APOB: variants seen among roughly 807,000 people sequenced by gnomAD.
APOB encodes the protein apolipoprotein B-100.
In APOB, 153 loss-of-function variants were observed where a neutral mutation model predicts 314.1. The observed-to-expected ratio is 0.49, with a 90% CI of 0.43 to 0.56. APOB has a LOEUF of 0.56. APOB is among the 20% of genes least tolerant of loss of function. The pLI, the probability that APOB is intolerant of heterozygous loss-of-function variation, is 0.00. For missense variants in APOB, 5,430 were observed against 5,350.7 expected (o/e 1.01, Z -0.46); for synonymous variants, 2,087 against 2,036.4 (o/e 1.02, Z -0.67).
intron 10 of APOB, among the ~76,000 whole-genome samples, chr2:21,031,264 T>C (rs2103378217): frequency 6.6e-6 from 1 of 152,378 alleles, no homozygotes; most frequent in East Asian, 1.9e-4. Flanking sequence ...AAAATACTAT[T>C]CGGCCATAAA....
In APOB at chr2:21,012,628, G is replaced by T; in HGVS notation, c.4240C>A (p.His1414Asn). 2 of 1,612,656 alleles carry T rather than the reference G, an allele frequency of 1.2e-6. No homozygotes were observed. The highest frequency in any genetic ancestry group is 1.7e-6 in the Non-Finnish European group (2 of 1,179,516). The change falls in exon 26 of 29, where the codon CAC (histidine) becomes AAC (asparagine). Residue 1414 changes from histidine to asparagine, a missense_variant. By Grantham distance (68) the His-to-Asn change is moderately conservative. Transcript: ENST00000233242. ...CATGATAGTGTGAACGTATTCTTGT[G>T]GTCATATGTTGTTTCTCCAGATCCT... Reference protein sequence around the residue: ...VQGSGETTYDHKNTFTLSCDG... With the variant: ...VQGSGETTYDNKNTFTLSCDG...
chr2:21,043,093 T>G (rs1664172710), intron 2 of APOB, among the ~76,000 whole-genome samples: 1 of 149,630 alleles, frequency 6.7e-6, no homozygotes, highest in African/African-American at 2.5e-5. Flanking sequence ...AGGGTCGCGC[T>G]TGGAGGCCAG....
intron 2 of APOB, 63 bp from the exon 3 acceptor site, chr2:21,042,539 C>T (rs977043652): frequency 3.2e-6 from 4 of 1,259,088 alleles, no homozygotes; most frequent in Non-Finnish European, 2.3e-6. Flanking sequence ...ACAGCCAATT[C>T]TGGGCAGAGA....
intron 14 of APOB, among the ~76,000 whole-genome samples, chr2:21,027,432 T>C (rs988143173): frequency 6.7e-6 from 1 of 149,308 alleles, no homozygotes; most frequent in Non-Finnish European, 1.5e-5. Context: ...TCCTGCCTCA[T>C]CCTCCCAAGT....
chr2:21,016,893 A>G (rs945695683), intron 20 of APOB, among the ~76,000 whole-genome samples: 6 of 151,976 alleles, frequency 3.9e-5, no homozygotes, highest in African/African-American at 1.5e-4. Context: ...CTGAGGCAGG[A>G]GAATGGCATG....
At position 21,009,863 on chromosome 2, in the gene APOB, A is replaced by G. The variant is rs1663256966; in HGVS notation, c.7005T>C (p.Asn2335=). Residue 2335 remains asparagine, a synonymous_variant, in exon 26 of 29, where the codon AAT becomes AAC. Coordinates refer to ENST00000233242, the MANE Select transcript of APOB (RefSeq NM_000384.3). ...IGDFEVAEKI[N]AFRAKVHELI... is the part of the protein sequence containing the mutation. The stretch of plus-strand genomic sequence containing the variant: ...ACTCATGGACTTTGGCTCTGAAGGC[A>G]TTGATTTTCTCAGCTACTTCAAAAT... 5 of 1,614,038 alleles carry G rather than the reference A, an allele frequency of 3.1e-6. No homozygotes were observed. In the South Asian group the frequency reaches 4.4e-5, roughly 14 times the overall value.
rs1663118750 is a variant in APOB at position 21,005,849 on chromosome 2, T to G, written c.11019A>C (p.Lys3673Asn). 1.2e-6 allele frequency: 2 copies of G among 1,613,924 alleles called. No homozygotes were observed. Among genetic ancestry groups the G allele is most frequent in the Admixed American group, 3.3e-5 (2 of 59,980 alleles). ...TGTCATAGACTGGTAGGATGATATT[T>G]TTGAGGAACCTTAGGTGTCCTTCTA... ...GSLEGHLRFL[K>N]NIILPVYDKS... Residue 3673 changes from lysine (K) to asparagine (N), a missense_variant, in exon 26 of 29, where the codon AAA (lysine) becomes AAC (asparagine). By Grantham distance (94) the Lys-to-Asn change is moderately conservative. Coordinates refer to ENST00000233242, the MANE Select transcript of APOB (RefSeq NM_000384.3).
chr2:21,002,027 C>G lies in APOB; in HGVS notation c.13395G>C (p.Lys4465Asn), dbSNP rs1287901082. Residue 4465 changes from lysine (K) to asparagine (N), a missense_variant, in exon 29 of 29, where the codon AAG becomes AAC. Around this residue, in one of 3 missense-constraint regions of APOB, gnomAD observed 3,281 missense variants for 3,171.0 expected, o/e 1.03. Coordinates refer to ENST00000233242, the MANE Select transcript of APOB (RefSeq NM_000384.3). Reference protein sequence around the residue: ...LTDPDGKGKEKIAELSATAQE... With the variant: ...LTDPDGKGKENIAELSATAQE... ...GAGCAGTGGCAGAAAGCTCTGCAAT[C>G]TTCTCTTTCCCTTTTCCATCTGGAT... 3 of 1,614,012 alleles carry G rather than the reference C, an allele frequency of 1.9e-6. No homozygotes were observed. Among genetic ancestry groups the G allele is most frequent in the Non-Finnish European group, 2.5e-6 (3 of 1,179,986 alleles).
intron 16 of APOB, 46 bp downstream of exon 16, chr2:21,024,887 A>G (rs769638991): frequency 6.2e-7 from 1 of 1,609,272 alleles, no homozygotes; most frequent in Non-Finnish European, 8.5e-7. Context: ...CTAAAAAAAA[A>G]CCAACGTCTG....
rs1198549888 is a variant in APOB, at chr2:21,005,686, C to T, written c.11182G>A (p.Asp3728Asn). 5 of 1,613,920 alleles carry T rather than the reference C, an allele frequency of 3.1e-6. No individual in the cohort carries two copies. The highest frequency in any genetic ancestry group is 1.7e-4 in the Middle Eastern group (1 of 6,058). Residue 3728 changes from aspartate to asparagine, a missense_variant, in exon 26 of 29, where the codon GAT (aspartate) becomes AAT (asparagine). Physicochemically the swap from Asp to Asn is conservative, Grantham distance 23. This residue lies in a region of APOB where 3,281 missense variants were observed against 3,171.0 expected (regional missense o/e 1.03). Coordinates refer to ENST00000233242, the MANE Select transcript of APOB (RefSeq NM_000384.3). Reference sequence around the variant, plus strand: ...TTCAGCCCAGGAATAATGAATTTATCAGCCAAAACTTTTACAGGGATGGAG... The same window carrying T: ...TTCAGCCCAGGAATAATGAATTTATTAGCCAAAACTTTTACAGGGATGGAG... ...SFSIPVKVLADKFIIPGLKLN... is the reference protein window; with the variant it reads ...SFSIPVKVLANKFIIPGLKLN...
Position 21,043,897 on chromosome 2 carries a change from G to T in APOB, c.49C>A (p.Leu17Met). ...ALLALLALPALLLLLLAGARA... is the reference protein window; with the variant it reads ...ALLALLALPAMLLLLLAGARA... ...GCGCCCGCCAGCAGCAGCAGCAGCA[G>T]CGCAGGCAGCGCCAGCAGCGCCAGC... is the stretch of plus-strand genomic sequence containing the variant. Residue 17 changes from leucine (L) to methionine (M), a missense_variant, in exon 1 of 29, where the codon CTG (leucine) becomes ATG (methionine). By Grantham distance (15) the Leu-to-Met change is conservative (BLOSUM62 2). Around this residue, in one of 3 missense-constraint regions of APOB, gnomAD observed 2,085 missense variants for 2,079.7 expected, o/e 1.00. Transcript: ENST00000233242. 7.0e-7 allele frequency: 1 copy of T among 1,431,314 alleles called. No individual in the cohort carries two copies. The highest frequency in any genetic ancestry group is 3.1e-5 in the East Asian group (1 of 32,752). The allele number at this position is 1,431,314 out of a possible 1,614,324, so 88.7% of individuals were successfully genotyped here. A position where few individuals can be genotyped will look rare whatever the true frequency, so the allele number is the denominator to read the frequency against.
rs1159869850 is a variant in APOB at position 21,006,073 on chromosome 2, G to A, written c.10795C>T (p.Leu3599Phe). The change falls in exon 26 of 29, where the codon CTT (leucine) becomes TTT (phenylalanine). Residue 3599 changes from leucine (L) to phenylalanine (F), a missense_variant. Leu to Phe is a conservative substitution (Grantham distance 22). Transcript: ENST00000233242. ...LELSPWQMSA[L>F]VQVHASQPSS... Reference sequence around the variant, plus strand: ...GGCTGACTTGCATGGACCTGAACAAGAGCTGACATTTGCCATGGAGAGAGT... The same window carrying A: ...GGCTGACTTGCATGGACCTGAACAAAAGCTGACATTTGCCATGGAGAGAGT... 2.5e-6 allele frequency: 4 copies of A among 1,614,048 alleles called. No individual in the cohort carries two copies. Among genetic ancestry groups the A allele is most frequent in the Non-Finnish European group, 3.4e-6 (4 of 1,179,962 alleles).
rs553689397 is a variant in APOB at position 21,044,034 on chromosome 2, A to G, written c.-89T>C. 19 of 593,024 alleles carry G rather than the reference A, an allele frequency of 3.2e-5. No individual in the cohort carries two copies. In the South Asian group the frequency reaches 1.3e-3, roughly 42 times the overall value. The allele number at this position is 593,024 out of a possible 1,614,324, so 36.7% of individuals were successfully genotyped here. On this transcript the variant is annotated 5_prime_UTR_variant, in exon 1 of 29. Coordinates refer to ENST00000233242, the MANE Select transcript of APOB (RefSeq NM_000384.3). The stretch of plus-strand genomic sequence containing the variant: ...CTGGGCGGGCTCCTCAGCGGCAGCA[A>G]CCGAGAAGGGCACTCAGCCCCGCAG...
intron 7 of APOB, 23 bp downstream of exon 7, chr2:21,035,561 C>G (rs1450609127): frequency 6.2e-7 from 1 of 1,613,614 alleles, no homozygotes; most frequent in Non-Finnish European, 8.5e-7. Flanking sequence ...AATGACAAAT[C>G]AGGGGTGCAT....
At chr2:21,018,872 C>G in intron 20 of APOB, 120 bp downstream of exon 20, 1 of 1,462,968 alleles carries the variant, frequency 6.8e-7, no homozygotes. Context: ...ATAGGCCTGC[C>G]GCTTAGTGGG....
At position 21,010,357 on chromosome 2, in the gene APOB, G is replaced by T. The variant is rs1477022259; in HGVS notation, c.6511C>A (p.Leu2171Ile). 1.3e-6 allele frequency: 2 copies of T among 1,577,382 alleles called. No individual in the cohort carries two copies. The highest frequency in any genetic ancestry group is 3.5e-5 in the Admixed American group (2 of 56,448). ...DDAKINFNEK[L>I]SQLQTYMIQF... is the part of the protein sequence containing the mutation. ...ATCATATATGTCTGCAGTTGAGATA[G>T]TTTTTCATTAAAGTTGATTTTGGCA... Residue 2171 changes from leucine (L) to isoleucine (I), a missense_variant, in exon 26 of 29, where the codon CTA becomes ATA. Leu to Ile is a conservative substitution (Grantham distance 5). Around this residue, in one of 3 missense-constraint regions of APOB, gnomAD observed 3,281 missense variants for 3,171.0 expected, o/e 1.03. Coordinates refer to ENST00000233242, the MANE Select transcript of APOB (RefSeq NM_000384.3).
chr2:21,037,225 A>G lies in APOB; in HGVS notation c.568T>C (p.Phe190Leu), dbSNP rs368963323. The change falls in exon 6 of 29, where the codon TTT (phenylalanine) becomes CTT (leucine). Residue 190 changes from phenylalanine (F) to leucine (L), a missense_variant. Coordinates refer to ENST00000233242, the MANE Select transcript of APOB (RefSeq NM_000384.3). ...TTGCCCTTCCTCGTCTTGACGGTAAAGTGAGTGGAGCAGTTTCCATACACG... is the reference window on the plus strand; with the variant it reads ...TTGCCCTTCCTCGTCTTGACGGTAAGGTGAGTGGAGCAGTTTCCATACACG... ...DTVYGNCSTH[F>L]TVKTRKGNVA... The G allele has an allele frequency of 6.2e-7, 1 of 1,614,074 alleles. No individual in the cohort carries two copies. The highest frequency in any genetic ancestry group is 1.3e-5 in the African/African-American group (1 of 75,022).
chr2:21,016,603 C>T lies in APOB; in HGVS notation c.3168G>A (p.Gln1056=), dbSNP rs760548142. 4.2e-5 allele frequency: 67 copies of T among 1,612,628 alleles called. No individual in the cohort carries two copies. The highest frequency in any genetic ancestry group is 5.5e-5 in the Non-Finnish European group (65 of 1,178,746). The change falls in exon 21 of 29, where the codon CAG becomes CAA. Residue 1056 remains glutamine (Q), a synonymous_variant. Transcript: ENST00000233242. ...EATMTFKYNR[Q]SMTLSSEVQI... ...GGACTTCACTGGACAAGGTCATACTCTGCCGATTATATTTGAATGTCATGG... is the reference window on the plus strand; with the variant it reads ...GGACTTCACTGGACAAGGTCATACTTTGCCGATTATATTTGAATGTCATGG...
chr2:21,015,422 T>G lies in APOB; in HGVS notation c.3456A>C (p.Ser1152=). The part of the protein sequence containing the change: ...SPAKLLLQMD[S]SATAYGSTVS... ...CTGTGGAGCCATAAGCTGTAGCAGATGAGTCCATTTGGAGAAGCAGTTTGG... is the reference window on the plus strand; with the variant it reads ...CTGTGGAGCCATAAGCTGTAGCAGAGGAGTCCATTTGGAGAAGCAGTTTGG... Residue 1152 remains serine (S), a synonymous_variant, in exon 22 of 29, where the codon TCA becomes TCC. Transcript: ENST00000233242. 6.2e-7 allele frequency: 1 copy of G among 1,614,198 alleles called. No homozygotes were observed. The highest frequency in any genetic ancestry group is 1.3e-5 in the African/African-American group (1 of 75,048).
Sources: gnomAD v4.1 joint callset for allele counts (sites outside exome capture counted in the v4.1 genomes callset) on GRCh38, gnomAD v4.1.1 for gene constraint, gnomAD v4.1.1 regional missense constraint, MANE v1.5 for transcripts, NCBI Gene and HGNC (gene_info 2026-07-23, HGNC 2026-07-21) for gene names.